The following SYN3 variants were observed in gnomAD, a reference collection of about 807,000 sequenced individuals.
SYN3 encodes synapsin-3.
Under a neutral mutation model 65.8 loss-of-function variants are expected in SYN3, and 35 were observed. That is an observed-to-expected ratio of 0.53 (90% CI 0.41 to 0.70). The LOEUF (loss-of-function observed/expected upper bound fraction) is 0.70, where lower values mean the gene tolerates loss of function less well. SYN3 is among the 30% of genes least tolerant of loss of function. The pLI is 0.00. For missense variants in SYN3, 680 were observed against 749.0 expected (o/e 0.91, Z 1.08); for synonymous variants, 270 against 292.9 (o/e 0.92, Z 0.80).
chr22:32,635,543 A>C (rs2059803945), intron 6 of SYN3, among the ~76,000 whole-genome samples: 1 of 152,222 alleles, frequency 6.6e-6, no homozygotes, highest in Non-Finnish European at 1.5e-5. Context: ...ACATTCTAGG[A>C]TATTAGAGCA....
At position 32,671,675 on chromosome 22, in the gene SYN3, TCACA is replaced by T. The variant is rs1248748142; in HGVS notation, c.712-74943_712-74940del. Reference sequence around the variant, plus strand: ...TGCACACACGCTGTCACACACGCTCTCACACAGGTACACACACGCTGTCACACAG... The same window carrying T: ...TGCACACACGCTGTCACACACGCTCTCAGGTACACACACGCTGTCACACAG... On this transcript the variant is annotated intron_variant, in intron 6 of 13. Coordinates refer to ENST00000358763, the MANE Select transcript of SYN3 (RefSeq NM_003490.4). Among the ~76,000 whole-genome samples the T allele has an allele frequency of 4.4e-3, 614 of 140,972 alleles. 6 individuals are homozygous for T. The highest frequency in any genetic ancestry group is 0.016 in the African/African-American group (566 of 36,390). 92.5% of individuals were successfully genotyped at this position (140,972 alleles called of 152,430 possible).
chr22:32,594,094 G>T (rs1208905111), intron 7 of SYN3, among the ~76,000 whole-genome samples: 1 of 152,088 alleles, frequency 6.6e-6, no homozygotes, highest in African/African-American at 2.4e-5. Context: ...TTAGTGGAGT[G>T]GAGGGGGCTG....
Position 32,508,974 on chromosome 22 carries a change from T to A in SYN3, c.*4718A>T, listed in dbSNP as rs2057662179. Among the ~76,000 whole-genome samples the A allele has an allele frequency of 6.6e-6, 1 of 152,216 alleles. No individual in the cohort carries two copies. Among genetic ancestry groups the A allele is most frequent in the African/African-American group, 2.4e-5 (1 of 41,444 alleles). On this transcript the variant is annotated 3_prime_UTR_variant, in exon 14 of 14. Coordinates refer to ENST00000358763, the MANE Select transcript of SYN3 (RefSeq NM_003490.4). ...ATCATCCCCTTAAATTTTGGAAAGA[T>A]AGAATTGAGTGTTAGTTCTATCTTG...
At chr22:32,622,712 C>T (rs2059612070) in intron 6 of SYN3, among the ~76,000 whole-genome samples, 1 of 119,776 alleles carries the variant, frequency 8.3e-6, no homozygotes, top group Admixed American at 9.7e-5. Flanking sequence ...TGTGGATCTC[C>T]AGAAATCGGA....
chr22:33,033,212 G>A (rs2053786391), intron 1 of SYN3, among the ~76,000 whole-genome samples: 1 of 152,024 alleles, frequency 6.6e-6, no homozygotes, highest in South Asian at 2.1e-4. Context: ...TGTTGGCCAG[G>A]CTGATCTCGA....
Position 32,782,360 on chromosome 22 carries a change from G to A in SYN3, c.711+82555C>T, listed in dbSNP as rs561138724. 5.9e-5 allele frequency among the ~76,000 whole-genome samples: 9 copies of A among 152,056 alleles called. No homozygotes were observed. In the East Asian group the frequency reaches 9.7e-4, roughly 16 times the overall value. ...TGGGATTACAGGCGTGTGCCACCAC[G>A]CCCAGCTAATTTTGTATTTTTAGTA... On this transcript the variant is annotated intron_variant, in intron 6 of 13. Coordinates refer to ENST00000358763, the MANE Select transcript of SYN3 (RefSeq NM_003490.4).
chr22:32,796,829 C>T (rs774696979), intron 6 of SYN3, among the ~76,000 whole-genome samples: 3 of 152,116 alleles, frequency 2.0e-5, no homozygotes, highest in Non-Finnish European at 4.4e-5. Flanking sequence ...CAGCTCTGCC[C>T]TGGAAGACTG....
chr22:32,810,790 G>A (rs975347516), intron 6 of SYN3, among the ~76,000 whole-genome samples: 3 of 152,158 alleles, frequency 2.0e-5, no homozygotes, highest in South Asian at 2.1e-4. Flanking sequence ...ACTTGGTTTC[G>A]TGACTTGAGG....
At chr22:32,530,772 G>C (rs542180893) in intron 10 of SYN3, among the ~76,000 whole-genome samples, 1 of 151,704 alleles carries the variant, frequency 6.6e-6, no homozygotes, top group African/African-American at 2.4e-5. Flanking sequence ...TGGGAGGCCG[G>C]GGCGGGCGGA....
At chr22:32,825,657 C>CAAAAAAAAAAAA (rs130292) in intron 6 of SYN3, among the ~76,000 whole-genome samples, 1 of 28,594 alleles carries the variant, frequency 3.5e-5, no homozygotes, top group African/African-American at 1.3e-4. Context: ...GTTTCCATCT[C>CAAAAAAAAAAAA]AAAAAAAAAA....
At chr22:32,985,530 G>A (rs887815300) in intron 2 of SYN3, among the ~76,000 whole-genome samples, 1 of 152,170 alleles carries the variant, frequency 6.6e-6, no homozygotes, top group African/African-American at 2.4e-5. Flanking sequence ...GGTAGGGCAG[G>A]GATTGCTCCC....
At chr22:32,654,461 G>C (rs934114288) in intron 6 of SYN3, among the ~76,000 whole-genome samples, 1 of 152,190 alleles carries the variant, frequency 6.6e-6, no homozygotes, top group Admixed American at 6.5e-5. Flanking sequence ...TCTGGCCCCA[G>C]CCTTATCTTC....
intron 1 of SYN3, among the ~76,000 whole-genome samples, chr22:33,033,499 C>T (rs1297238603): frequency 6.6e-6 from 1 of 152,096 alleles, no homozygotes; most frequent in African/African-American, 2.4e-5. Flanking sequence ...TTCCATTATC[C>T]CACGGTATTT....
chr22:32,606,485 T>A (rs772828434), intron 6 of SYN3, among the ~76,000 whole-genome samples: 2 of 152,210 alleles, frequency 1.3e-5, no homozygotes, highest in African/African-American at 2.4e-5. Flanking sequence ...TTGCAACTCT[T>A]CTGTAATTCT....
chr22:32,572,287 C>CTTCCTT (rs1569051136), intron 7 of SYN3, among the ~76,000 whole-genome samples: 4 of 99,814 alleles, frequency 4.0e-5, no homozygotes, highest in African/African-American at 8.7e-5. Context: ...CCCTCCCTCC[C>CTTCCTT]TCCTTCCTTC....
intron 6 of SYN3, among the ~76,000 whole-genome samples, chr22:32,852,607 A>T (rs1013703236): frequency 6.6e-6 from 1 of 151,788 alleles, no homozygotes; most frequent in Non-Finnish European, 1.5e-5. Context: ...AGAACCTGAG[A>T]CTCCGAGCCG....
At chr22:32,795,220 A>G (rs980856650) in intron 6 of SYN3, among the ~76,000 whole-genome samples, 4 of 152,252 alleles carry the variant, frequency 2.6e-5, no homozygotes, top group Non-Finnish European at 4.4e-5. Flanking sequence ...TAAAAAATGT[A>G]CAGAAGCAGC....
At chr22:32,829,679 C>T (rs931858970) in intron 6 of SYN3, among the ~76,000 whole-genome samples, 1 of 152,178 alleles carries the variant, frequency 6.6e-6, no homozygotes, top group Admixed American at 6.5e-5. Context: ...AGGACAATGC[C>T]GGTCCCCGGG....
intron 1 of SYN3, among the ~76,000 whole-genome samples, chr22:33,009,029 T>C (rs920659418): frequency 1.4e-5 from 2 of 147,442 alleles, no homozygotes; most frequent in Non-Finnish European, 3.0e-5. Context: ...TTTTCAGAAA[T>C]TATGCATAAA....
Sources: gnomAD v4.1 joint callset for allele counts (sites outside exome capture counted in the v4.1 genomes callset) on GRCh38, gnomAD v4.1.1 for gene constraint, MANE v1.5 for transcripts, NCBI Gene and HGNC (gene_info 2026-07-23, HGNC 2026-07-21) for gene names.